The following HERC2 variants were observed in gnomAD, a reference collection of about 807,000 sequenced individuals.
HERC2 encodes the protein E3 ubiquitin-protein ligase HERC2.
A neutral mutation model predicts 537.7 loss-of-function variants in HERC2; 102 were observed. The ratio of observed to expected loss-of-function variants is 0.19; its 90% CI spans 0.16 to 0.22. The LOEUF (loss-of-function observed/expected upper bound fraction) is 0.22, where lower values mean the gene tolerates loss of function less well. HERC2 is among the 10% of genes least tolerant of loss of function. The pLI is 1.00. For synonymous variants in HERC2, 2,224 were observed against 2,466.2 expected (o/e 0.90, Z 2.91); for missense variants, 4,236 against 6,198.2 (o/e 0.68, Z 10.63).
chr15:28,200,539 T>C (rs541189798), intron 48 of HERC2, among the ~76,000 whole-genome samples: 1 of 152,260 alleles, frequency 6.6e-6, no homozygotes, highest in Admixed American at 6.5e-5. Flanking sequence ...GCTGCCAGTC[T>C]ATGGTACTGT....
chr15:28,298,344 G>A (rs1393233033), intron 3 of HERC2, among the ~76,000 whole-genome samples: 9 of 148,170 alleles, frequency 6.1e-5, no homozygotes, highest in African/African-American at 2.5e-5. Context: ...TAGTAGAGAC[G>A]GGGTTTCACC....
intron 70 of HERC2, among the ~76,000 whole-genome samples, chr15:28,150,052 G>A (rs1316431113): frequency 4.6e-5 from 7 of 151,012 alleles, no homozygotes; most frequent in African/African-American, 1.7e-4. Context: ...TTCTAACCAA[G>A]AACATCACCT....
At position 28,123,895 on chromosome 15, in the gene HERC2, G is replaced by T; in HGVS notation, c.13188+142C>A. On this transcript the variant is annotated intron_variant, in intron 85 of 92. Transcript: ENST00000261609. ...ATTGATATAAAGTACCCAGAACAGAGCCTGGCATGCAGGAGGCATTCCGTG... is the reference window on the plus strand; with the variant it reads ...ATTGATATAAAGTACCCAGAACAGATCCTGGCATGCAGGAGGCATTCCGTG... 5 of 580,338 alleles carry T rather than the reference G, an allele frequency of 8.6e-6. No individual in the cohort carries two copies. In the Admixed American group the frequency reaches 1.2e-4, roughly 14 times the overall value. 35.9% of individuals were successfully genotyped at this position (580,338 alleles called of 1,614,324 possible).
intron 78 of HERC2, among the ~76,000 whole-genome samples, chr15:28,139,114 G>A (rs1890934896): frequency 6.6e-6 from 1 of 152,248 alleles, no homozygotes; most frequent in Admixed American, 6.5e-5. Flanking sequence ...GACATGCTTT[G>A]CGAAGACACT....
chr15:28,112,255 G>A (rs956732171), intron 92 of HERC2, among the ~76,000 whole-genome samples: 1 of 152,200 alleles, frequency 6.6e-6, no homozygotes, highest in African/African-American at 2.4e-5. Context: ...GCTCTCTATT[G>A]TCATCCCGGG....
At chr15:28,254,055 G>T (rs932901685) in intron 20 of HERC2, among the ~76,000 whole-genome samples, 1 of 152,012 alleles carries the variant, frequency 6.6e-6, no homozygotes. Flanking sequence ...AGGCCAAGGC[G>T]GGCGGATCAC....
intron 2 of HERC2, among the ~76,000 whole-genome samples, chr15:28,315,095 A>G (rs1347315149): frequency 6.6e-6 from 1 of 152,192 alleles, no homozygotes; most frequent in East Asian, 1.9e-4. Context: ...AAATACAACC[A>G]ATTGTTCAGC....
intron 67 of HERC2, 65 bp downstream of exon 67, chr15:28,168,341 CT>C: frequency 6.7e-7 from 1 of 1,493,864 alleles, no homozygotes; most frequent in Non-Finnish European, 9.2e-7. Flanking sequence ...CACAATGAGA[CT>C]TTCCTAGACA....
intron 4 of HERC2, among the ~76,000 whole-genome samples, chr15:28,281,374 G>A (rs2076015825): frequency 6.6e-6 from 1 of 152,172 alleles, no homozygotes; most frequent in Admixed American, 6.5e-5. Context: ...GCTCCCAGTG[G>A]CGAGGTGAGA....
intron 74 of HERC2, among the ~76,000 whole-genome samples, chr15:28,143,238 C>T (rs556566567): frequency 1.3e-5 from 2 of 152,244 alleles, no homozygotes; most frequent in South Asian, 4.2e-4. Flanking sequence ...CTGCCTGTCT[C>T]GTCCCATGGG....
chr15:28,195,548 T>A (rs1897277117), intron 52 of HERC2, among the ~76,000 whole-genome samples: 1 of 152,200 alleles, frequency 6.6e-6, no homozygotes, highest in African/African-American at 2.4e-5. Context: ...ACAATACGGA[T>A]GAAGCTTAAA....
chr15:28,275,094 C>A, intron 5 of HERC2, 89 bp from the exon 6 acceptor site: 3 of 690,502 alleles, frequency 4.3e-6, no homozygotes, highest in Admixed American at 2.4e-5. Flanking sequence ...GGGTGTGTAC[C>A]AAAATCCGAC....
At chr15:28,183,392 T>G (rs1322380550) in intron 56 of HERC2, among the ~76,000 whole-genome samples, 1 of 152,090 alleles carries the variant, frequency 6.6e-6, no homozygotes, top group Non-Finnish European at 1.5e-5. Flanking sequence ...GCATTTTTTT[T>G]TGTAGAGACG....
intron 36 of HERC2, among the ~76,000 whole-genome samples, chr15:28,220,914 C>G (rs1188455671): frequency 7.1e-6 from 1 of 141,318 alleles, no homozygotes; most frequent in Admixed American, 7.1e-5. Flanking sequence ...TGCCCTGGTC[C>G]TTCCATGGCT....
intron 70 of HERC2, among the ~76,000 whole-genome samples, chr15:28,146,675 G>A (rs59120423): frequency 0.24 from 24,567 of 102,904 alleles, 1,558 homozygotes; most frequent in East Asian, 0.57. Context: ...GGAATGCCCA[G>A]TGTGCAGCCA....
chr15:28,258,380 G>C (rs1284163543), intron 16 of HERC2, among the ~76,000 whole-genome samples: 1 of 152,120 alleles, frequency 6.6e-6, no homozygotes, highest in Non-Finnish European at 1.5e-5. Context: ...GCTGAGGCAG[G>C]AGAATTGCTT....
Position 28,274,827 on chromosome 15 carries a change from G to A in HERC2, c.643+78C>T, listed in dbSNP as rs561487926. On this transcript the variant is annotated intron_variant, in intron 6 of 92. Transcript: ENST00000261609. ...ACATGGGATCAGCCAAAGGGCACAT[G>A]GTGGCTGAACCGAGTTCGAAACCCA... The A allele has an allele frequency of 7.4e-5, 82 of 1,109,668 alleles. No individual in the cohort carries two copies. In the East Asian group the frequency reaches 1.9e-3, roughly 26 times the overall value. The allele number at this position is 1,109,668 out of a possible 1,614,324, so 68.7% of individuals were successfully genotyped here.
chr15:28,264,522 C>G (rs1016761112), intron 14 of HERC2, among the ~76,000 whole-genome samples: 1 of 152,214 alleles, frequency 6.6e-6, no homozygotes, highest in Non-Finnish European at 1.5e-5. Context: ...GATACTTCTA[C>G]TGTAACAGTC....
intron 5 of HERC2, among the ~76,000 whole-genome samples, chr15:28,275,637 CA>C (rs1398149357): frequency 6.6e-6 from 1 of 152,016 alleles, no homozygotes; most frequent in Non-Finnish European, 1.5e-5. Flanking sequence ...TCATCCTGTA[CA>C]AGAGAGAAAA....
Sources: allele counts gnomAD v4.1 joint callset (sites outside exome capture counted in the v4.1 genomes callset), GRCh38; gene constraint gnomAD v4.1.1; transcripts MANE v1.5; gene names NCBI Gene and HGNC (gene_info 2026-07-23, HGNC 2026-07-21).